Variants in UNC13B observed in about 807,000 individuals in gnomAD.
The protein encoded by UNC13B is protein unc-13 homolog B.
In UNC13B, 144 loss-of-function variants were observed where a neutral mutation model predicts 211.0. The ratio of observed to expected loss-of-function variants is 0.68; its 90% confidence interval spans 0.60 to 0.78. UNC13B has a LOEUF of 0.78. UNC13B is among the 30% of genes least tolerant of loss of function. UNC13B has a pLI of 0.00. For missense variants in UNC13B, 1,777 were observed against 2,002.0 expected (o/e 0.89, Z 2.14); for synonymous variants, 709 against 725.8 (o/e 0.98, Z 0.37).
At chr9:35,283,951 T>C (rs1474070549) in intron 7 of UNC13B, among the ~76,000 whole-genome samples, 1 of 152,048 alleles carries the variant, frequency 6.6e-6, no homozygotes, top group Non-Finnish European at 1.5e-5. Context: ...TACCTGAGTG[T>C]GTTCACAGTA....
At chr9:35,315,046 TA>T (rs201186921) in intron 11 of UNC13B, among the ~76,000 whole-genome samples, 14 of 144,656 alleles carry the variant, frequency 9.7e-5, no homozygotes, top group Admixed American at 2.1e-4. Context: ...CTGGCTAATT[TA>T]AAAAAAATTT....
intron 11 of UNC13B, among the ~76,000 whole-genome samples, chr9:35,316,725 A>C (rs78276636): frequency 0.053 from 8,138 of 152,280 alleles, 340 homozygotes; most frequent in Admixed American, 0.079. Context: ...TTACTAGCCA[A>C]AGTTTAACAA....
At chr9:35,399,332 C>T (rs746554605) in intron 34 of UNC13B, 48 bp downstream of exon 34, 2 of 1,614,212 alleles carry the variant, frequency 1.2e-6, no homozygotes, top group Non-Finnish European at 8.5e-7. Context: ...CTTCCCCTCA[C>T]TCCCTGCTTC....
chr9:35,267,549 G>A (rs920561477), intron 7 of UNC13B, among the ~76,000 whole-genome samples: 9 of 152,174 alleles, frequency 5.9e-5, no homozygotes, highest in African/African-American at 2.2e-4. Context: ...TGGGACAGGG[G>A]CAAGACTTAG....
intron 1 of UNC13B, among the ~76,000 whole-genome samples, chr9:35,203,022 G>T (rs1292925604): frequency 6.6e-6 from 1 of 152,052 alleles, no homozygotes; most frequent in East Asian, 1.9e-4. Context: ...TCGATCTCCT[G>T]ACCTCGTGAT....
intron 9 of UNC13B, among the ~76,000 whole-genome samples, chr9:35,309,020 T>C (rs1311902963): frequency 2.0e-5 from 3 of 152,208 alleles, no homozygotes; most frequent in African/African-American, 4.8e-5. Flanking sequence ...CCCTCAAGGC[T>C]GATGTCTGAT....
At chr9:35,401,073 C>T (rs977467089) in intron 37 of UNC13B, among the ~76,000 whole-genome samples, 5 of 152,174 alleles carry the variant, frequency 3.3e-5, no homozygotes, top group Admixed American at 2.6e-4. Flanking sequence ...CAAAACAAAA[C>T]ACATCTGCAT....
intron 1 of UNC13B, among the ~76,000 whole-genome samples, chr9:35,196,658 A>G (rs1822957534): frequency 6.6e-6 from 1 of 152,192 alleles, no homozygotes; most frequent in Admixed American, 6.5e-5. Context: ...TTTTCCACAC[A>G]TCTTTTCTGT....
At chr9:35,234,079 T>C (rs565884244) in intron 3 of UNC13B, among the ~76,000 whole-genome samples, 1 of 152,314 alleles carries the variant, frequency 6.6e-6, no homozygotes, top group South Asian at 2.1e-4. Context: ...TGGGAGTTGA[T>C]TTGGGAATAT....
chr9:35,364,163 C>T (rs1316491178), intron 11 of UNC13B, among the ~76,000 whole-genome samples: 1 of 130,696 alleles, frequency 7.7e-6, no homozygotes, highest in Non-Finnish European at 1.5e-5. Context: ...TCACTCTGTG[C>T]TCAGCCAGCT....
In UNC13B at chr9:35,378,418, GGGA is replaced by G. The variant is rs762624276; in HGVS notation, c.10192_10194del (p.Glu3398del). Reference sequence around the variant, plus strand: ...ATTTTTGGAAACTTGAATCCTGTTTGGGAGGAGAAGTTCCATTTGTAAGTCACA... The same window carrying G: ...ATTTTTGGAAACTTGAATCCTGTTTGGGAGAAGTTCCATTTGTAAGTCACA... On this transcript the variant is annotated inframe_deletion, in exon 17 of 40. Coordinates refer to ENST00000635942, the MANE Select transcript of UNC13B (RefSeq NM_001371189.2). 2 of 1,614,148 alleles carry G rather than the reference GGGA, an allele frequency of 1.2e-6. No individual in the cohort carries two copies. Among genetic ancestry groups the G allele is most frequent in the Non-Finnish European group, 1.7e-6 (2 of 1,180,016 alleles).
At chr9:35,327,595 AG>A (rs1469621732) in intron 11 of UNC13B, among the ~76,000 whole-genome samples, 2 of 152,136 alleles carry the variant, frequency 1.3e-5, no homozygotes, top group African/African-American at 4.8e-5. Flanking sequence ...GCAGCCAATT[AG>A]ATTGTGCCCA....
At chr9:35,253,272 G>A (rs1328252775) in intron 6 of UNC13B, among the ~76,000 whole-genome samples, 3 of 152,170 alleles carry the variant, frequency 2.0e-5, no homozygotes, top group Non-Finnish European at 4.4e-5. Flanking sequence ...TTCCCAAGTA[G>A]CAGAGACTAC....
intron 11 of UNC13B, among the ~76,000 whole-genome samples, chr9:35,326,337 C>T (rs1831015957): frequency 6.6e-6 from 1 of 152,096 alleles, no homozygotes; most frequent in Non-Finnish European, 1.5e-5. Context: ...GTACCTGAAA[C>T]CATGGATAGT....
At chr9:35,381,339 T>C (rs1695059572) in intron 19 of UNC13B, 124 bp downstream of exon 19, 2 of 1,012,514 alleles carry the variant, frequency 2.0e-6, no homozygotes, top group South Asian at 1.7e-5. Context: ...TGATTCACTC[T>C]GTTACCCTGG....
chr9:35,396,362 C>T, intron 26 of UNC13B, 114 bp from the exon 27 acceptor site: 1 of 1,385,302 alleles, frequency 7.2e-7, no homozygotes, highest in Non-Finnish European at 9.9e-7. Flanking sequence ...TGGGAGTCAC[C>T]CTTGTCCTAA....
intron 11 of UNC13B, among the ~76,000 whole-genome samples, chr9:35,319,262 G>T (rs1303770115): frequency 6.6e-6 from 1 of 151,766 alleles, no homozygotes; most frequent in African/African-American, 2.4e-5. Context: ...AATTAGCCGG[G>T]TGTGGTGGTG....
chr9:35,300,637 G>A lies in UNC13B; in HGVS notation c.1233G>A (p.Glu411=), dbSNP rs968109213. 4 of 398,946 alleles carry A rather than the reference G, an allele frequency of 1.0e-5. No homozygotes were observed. Among genetic ancestry groups the A allele is most frequent in the Admixed American group, 4.4e-5 (1 of 22,720 alleles). The allele number at this position is 398,946 out of a possible 1,614,324, so 24.7% of individuals were successfully genotyped here. Reference sequence around the variant, plus strand: ...TCCACCATATTGGAGATTTTCCTGAGGAATATTATGTAGCAAATTCAGCAT... The same window carrying A: ...TCCACCATATTGGAGATTTTCCTGAAGAATATTATGTAGCAAATTCAGCAT... ...SNVHHIGDFP[E]EYYVANSALP... The change falls in exon 9 of 40, where the codon GAG becomes GAA. Residue 411 remains glutamate (E), a synonymous_variant. Coordinates refer to ENST00000635942, the MANE Select transcript of UNC13B (RefSeq NM_001371189.2).
chr9:35,204,242 T>C (rs986649683), intron 1 of UNC13B, among the ~76,000 whole-genome samples: 3 of 152,290 alleles, frequency 2.0e-5, no homozygotes, highest in South Asian at 4.1e-4. Context: ...AGAGGATGTA[T>C]GGAAAAGCCT....
Sources: gnomAD v4.1 joint callset for allele counts (sites outside exome capture counted in the v4.1 genomes callset) on GRCh38, gnomAD v4.1.1 for gene constraint, MANE v1.5 for transcripts, NCBI Gene and HGNC (gene_info 2026-07-23, HGNC 2026-07-21) for gene names.